The following FBXO25 variants were observed in gnomAD, a reference collection of about 807,000 sequenced individuals.
FBXO25 encodes the protein F-box protein 25.
In FBXO25, 45 loss-of-function variants were observed where a neutral mutation model predicts 51.9. The ratio of observed to expected loss-of-function variants is 0.87; its 90% CI spans 0.68 to 1.11. FBXO25 has a LOEUF of 1.11. Among genes scored for constraint, FBXO25 ranks in the 50% most tolerant of loss-of-function variants. The pLI is 0.00. For synonymous variants in FBXO25, 199 were observed against 151.0 expected (o/e 1.32, Z -2.33); for missense variants, 507 against 428.5 (o/e 1.18, Z -1.62).
At chr8:458,650 G>GT in intron 8 of FBXO25, 99 bp downstream of exon 8, 3 of 1,151,420 alleles carry the variant, frequency 2.6e-6, no homozygotes, top group Non-Finnish European at 3.7e-6. Context: ...GAATGGCTGA[G>GT]TATTTTCTAC....
intron 5 of FBXO25, among the ~76,000 whole-genome samples, chr8:438,212 G>A (rs2117684697): frequency 6.6e-6 from 1 of 152,076 alleles, no homozygotes; most frequent in Non-Finnish European, 1.5e-5. Context: ...GCACCACGAT[G>A]CCTGGCTAAT....
At chr8:411,441 C>G (rs929654002) in intron 1 of FBXO25, among the ~76,000 whole-genome samples, 3 of 151,976 alleles carry the variant, frequency 2.0e-5, no homozygotes, top group Non-Finnish European at 2.9e-5. Context: ...TCTTGGCTCT[C>G]TTGATTTCCC....
At position 475,019 on chromosome 8, in the gene FBXO25, C is replaced by A. The variant is rs568717271; in HGVS notation, c.*6215C>A. The A allele has an allele frequency of 2.5e-6, 1 of 403,412 alleles. No individual in the cohort carries two copies. The highest frequency in any genetic ancestry group is 4.8e-6 in the Non-Finnish European group (1 of 207,102). The allele number at this position is 403,412 out of a possible 1,614,324, so 25.0% of individuals were successfully genotyped here. A position where few individuals can be genotyped will look rare whatever the true frequency, so the allele number is the denominator to read the frequency against. On this transcript the variant is annotated 3_prime_UTR_variant, in exon 10 of 10. Transcript: ENST00000350302. Reference sequence around the variant, plus strand: ...AGTTACCTGTGTGTGCCTCTGGTGTCATATCTAAGAAATCACTGCCAAATC... The same window carrying A: ...AGTTACCTGTGTGTGCCTCTGGTGTAATATCTAAGAAATCACTGCCAAATC...
chr8:474,702 A>G lies in FBXO25; in HGVS notation c.*5898A>G, dbSNP rs1371153375. 4.4e-6 allele frequency: 2 copies of G among 453,992 alleles called. No homozygotes were observed. The highest frequency in any genetic ancestry group is 8.8e-6 in the Non-Finnish European group (2 of 226,398). The allele number at this position is 453,992 out of a possible 1,614,324, so 28.1% of individuals were successfully genotyped here. ...AAATGTCTATTTGGGCTCTTTGTCC[A>G]TTTTTCAATCAGGTGTGTGTTTTTA... On this transcript the variant is annotated 3_prime_UTR_variant, in exon 10 of 10. Transcript: ENST00000350302.
At chr8:451,907 A>G (rs1799123890) in intron 7 of FBXO25, among the ~76,000 whole-genome samples, 1 of 152,216 alleles carries the variant, frequency 6.6e-6, no homozygotes, top group Admixed American at 6.5e-5. Context: ...GAAGGTGCAA[A>G]TCATGTCAGT....
rs1800465599 is a variant in FBXO25 at position 470,964 on chromosome 8, G to GT, written c.*2162dup. On this transcript the variant is annotated 3_prime_UTR_variant, in exon 10 of 10. Coordinates refer to ENST00000350302, the MANE Select transcript of FBXO25 (RefSeq NM_183420.2). ...AGGAAACTATCCTTTTGAAGTTGTG[G>GT]TTCTTTCCCCTAATTTGTCATATAC... 1 of 151,278 alleles carries GT rather than the reference G, an allele frequency of 6.6e-6. No individual in the cohort carries two copies. The highest frequency in any genetic ancestry group is 2.4e-5 in the African/African-American group (1 of 41,334). The allele number at this position is 151,278 out of a possible 1,614,324, so 9.4% of individuals were successfully genotyped here. A position where few individuals can be genotyped will look rare whatever the true frequency, so the allele number is the denominator to read the frequency against.
At position 476,018 on chromosome 8, in the gene FBXO25, CA is replaced by C. The variant is rs1256031123; in HGVS notation, c.*7215del. ...AATATGATGTTTACAGTGGGATGTTCATATGGCCTCTATTTTAGGTTGTTTC... is the reference window on the plus strand; with the variant it reads ...AATATGATGTTTACAGTGGGATGTTCTATGGCCTCTATTTTAGGTTGTTTC... On this transcript the variant is annotated 3_prime_UTR_variant, in exon 10 of 10. Transcript: ENST00000350302. The C allele has an allele frequency of 6.6e-6, 1 of 152,208 alleles. No homozygotes were observed. The highest frequency in any genetic ancestry group is 1.9e-4 in the East Asian group (1 of 5,178). 9.4% of individuals were successfully genotyped at this position (152,208 alleles called of 1,614,324 possible).
intron 3 of FBXO25, among the ~76,000 whole-genome samples, chr8:432,228 G>C (rs1439300812): frequency 6.6e-6 from 1 of 152,114 alleles, no homozygotes; most frequent in East Asian, 1.9e-4. Flanking sequence ...AGTGACCAAG[G>C]GGCGGGTAGT....
intron 2 of FBXO25, among the ~76,000 whole-genome samples, chr8:426,008 A>T (rs1444479772): frequency 6.6e-6 from 1 of 151,382 alleles, no homozygotes; most frequent in African/African-American, 2.4e-5. Flanking sequence ...CCCCAGTCCC[A>T]GTTGGCCCCT....
chr8:419,578 C>T lies in FBXO25; in HGVS notation c.134+6365C>T, dbSNP rs2117488798. ...TTCCATGGAGAAAGTGTAATCTTGT[C>T]AGCAAATGGGCTAGAAAACTAGATG... On this transcript the variant is annotated intron_variant, in intron 2 of 9. Coordinates refer to ENST00000350302, the MANE Select transcript of FBXO25 (RefSeq NM_183420.2). Among the ~76,000 whole-genome samples the T allele has an allele frequency of 1.3e-5, 2 of 152,138 alleles. 1 individual carries two copies. Among genetic ancestry groups the T allele is most frequent in the East Asian group, 3.9e-4 (2 of 5,168 alleles).
chr8:430,387 C>T (rs1797754188), intron 2 of FBXO25, among the ~76,000 whole-genome samples: 1 of 151,878 alleles, frequency 6.6e-6, no homozygotes, highest in Non-Finnish European at 1.5e-5. Context: ...CAACTGTTGG[C>T]ACCGCTGTTT....
At chr8:467,880 G>A in intron 9 of FBXO25, 4 of 1,551,942 alleles carry the variant, frequency 2.6e-6, no homozygotes, top group Non-Finnish European at 2.6e-6. Flanking sequence ...TCAGGACCCT[G>A]AGCAGGGCTG....
At chr8:454,810 G>A (rs1336856261) in intron 7 of FBXO25, among the ~76,000 whole-genome samples, 1 of 151,228 alleles carries the variant, frequency 6.6e-6, no homozygotes, top group South Asian at 2.1e-4. Context: ...AGAATTGCTT[G>A]AACCCAGGAA....
At chr8:419,459 C>T (rs939661822) in intron 2 of FBXO25, among the ~76,000 whole-genome samples, 2 of 152,202 alleles carry the variant, frequency 1.3e-5, no homozygotes, top group Non-Finnish European at 2.9e-5. Context: ...GATAGATACA[C>T]AGGTCAGTGG....
intron 2 of FBXO25, among the ~76,000 whole-genome samples, chr8:420,900 A>C (rs1244968588): frequency 6.6e-6 from 1 of 152,228 alleles, no homozygotes; most frequent in Non-Finnish European, 1.5e-5. Flanking sequence ...AATTTCACTA[A>C]AATCAACATA....
intron 7 of FBXO25, among the ~76,000 whole-genome samples, chr8:456,372 G>A (rs1799431424): frequency 6.6e-6 from 1 of 152,114 alleles, no homozygotes; most frequent in African/African-American, 2.4e-5. Context: ...ACCCGGCCTG[G>A]CCATATTCTC....
At chr8:416,966 A>T (rs1479874641) in intron 2 of FBXO25, among the ~76,000 whole-genome samples, 2 of 152,200 alleles carry the variant, frequency 1.3e-5, no homozygotes, top group Non-Finnish European at 2.9e-5. Flanking sequence ...GGCCTCTAAG[A>T]AGCAATCTGT....
At chr8:458,068 A>G (rs1195293184) in intron 7 of FBXO25, among the ~76,000 whole-genome samples, 2 of 152,308 alleles carry the variant, frequency 1.3e-5, no homozygotes, top group African/African-American at 2.4e-5. Flanking sequence ...GTCTTGATGC[A>G]GTAGAGGAGT....
At chr8:458,231 A>T in intron 7 of FBXO25, 138 bp from the exon 8 acceptor site, 1 of 939,474 alleles carries the variant, frequency 1.1e-6, no homozygotes, top group Non-Finnish European at 1.6e-6. Context: ...GCCCCTTGAC[A>T]CCTTGCGACG....
Sources: gnomAD v4.1 joint callset for allele counts (sites outside exome capture counted in the v4.1 genomes callset) on GRCh38, gnomAD v4.1.1 for gene constraint, MANE v1.5 for transcripts, NCBI Gene and HGNC (gene_info 2026-07-23, HGNC 2026-07-21) for gene names.